The following MRGPRX3 variants were observed in gnomAD, a reference collection of about 807,000 sequenced individuals.
The protein encoded by MRGPRX3 is MAS related GPR family member X3, also known as mas-related G protein-coupled receptor member X3.
Under a neutral mutation model 16.5 loss-of-function variants are expected in MRGPRX3, and 14 were observed. That is an observed-to-expected ratio of 0.85 (90% CI 0.56 to 1.33). The LOEUF (loss-of-function observed/expected upper bound fraction) is 1.33. Ranked by LOEUF, MRGPRX3 falls within the 40% of genes most tolerant of loss-of-function variation. MRGPRX3 has a pLI of 0.00. For synonymous variants in MRGPRX3, 199 were observed against 180.1 expected (o/e 1.10, Z -0.84); for missense variants, 449 against 413.0 (o/e 1.09, Z -0.76).
chr11:18,121,788 ACG>A (rs1848839739), intron 1 of MRGPRX3, among the ~76,000 whole-genome samples: 2 of 152,134 alleles, frequency 1.3e-5, no homozygotes, highest in Admixed American at 1.3e-4. Flanking sequence ...TGTTAAACAG[ACG>A]CTTGAAGGCA....
upstream of MRGPRX3, among the ~76,000 whole-genome samples, chr11:18,129,555 G>T (rs921260050): frequency 2.6e-5 from 4 of 151,840 alleles, no homozygotes; most frequent in African/African-American, 7.3e-5. Flanking sequence ...TTTTTAAATT[G>T]CCAACAAAAA....
At chr11:18,124,344 T>A (rs1039246729) in intron 1 of MRGPRX3, among the ~76,000 whole-genome samples, 1 of 152,228 alleles carries the variant, frequency 6.6e-6, no homozygotes, top group Non-Finnish European at 1.5e-5. Flanking sequence ...ATAGCTCTTA[T>A]TATTTTGAGA....
At position 18,137,519 on chromosome 11, in the gene MRGPRX3, A is replaced by G. The variant is rs1849021649; in HGVS notation, c.317A>G (p.Tyr106Cys). Residue 106 changes from tyrosine to cysteine, a missense_variant, in exon 2 of 2, where the codon TAC becomes TGC. Coordinates refer to ENST00000621697, the MANE Select transcript of MRGPRX3 (RefSeq NM_001370464.1). ...KILSPVMTFP[Y>C]FIGLSMLSAI... ...CTCAGTCCTGTGATGACCTTTCCCT[A>G]CTTTATAGGCCTAAGCATGCTGAGC... is the stretch of plus-strand genomic sequence containing the variant. The G allele has an allele frequency of 1.2e-6, 2 of 1,613,552 alleles. No individual in the cohort carries two copies. The highest frequency in any genetic ancestry group is 1.3e-5 in the African/African-American group (1 of 74,724).
intron 1 of MRGPRX3, among the ~76,000 whole-genome samples, chr11:18,125,438 C>T (rs909558359): frequency 1.3e-5 from 2 of 152,114 alleles, no homozygotes; most frequent in Admixed American, 6.5e-5. Context: ...GCCTTCATTT[C>T]GTTATGTACC....
chr11:18,126,641 C>A (rs190504438), intron 1 of MRGPRX3, among the ~76,000 whole-genome samples: 72 of 152,216 alleles, frequency 4.7e-4, no homozygotes, highest in African/African-American at 1.7e-3. Context: ...ATCCCTCCCC[C>A]TTCCCCCACC....
intron 1 of MRGPRX3, among the ~76,000 whole-genome samples, chr11:18,121,600 C>T (rs978132550): frequency 1.4e-4 from 21 of 152,312 alleles, no homozygotes; most frequent in African/African-American, 3.4e-4. Flanking sequence ...GGATGGTTGC[C>T]GTGTCTGTGT....
intron 1 of MRGPRX3, among the ~76,000 whole-genome samples, chr11:18,134,796 A>T (rs554751107): frequency 1.3e-5 from 2 of 152,224 alleles, no homozygotes; most frequent in Non-Finnish European, 2.9e-5. Context: ...TATTAATCCC[A>T]TGAGCCAGGA....
chr11:18,128,990 C>G (rs1193867625), upstream of MRGPRX3, among the ~76,000 whole-genome samples: 1 of 152,144 alleles, frequency 6.6e-6, no homozygotes, highest in Non-Finnish European at 1.5e-5. Flanking sequence ...ATTCTATAAA[C>G]TGAATGATAA....
rs79834301 is a variant in MRGPRX3 at position 18,136,116 on chromosome 11, A to C, written c.-25-1062A>C. Among the ~76,000 whole-genome samples, 213 of 152,280 alleles carry C rather than the reference A, an allele frequency of 1.4e-3. 3 individuals carry two copies. The East Asian group carries it at 0.033, about 24-fold the overall frequency. On this transcript the variant is annotated intron_variant, in intron 1 of 1. Transcript: ENST00000621697. ...GGACTCCTCTCATACAAATGTTTGC[A>C]TCAACAAAGAAACGCTACCAAAGAT...
At chr11:18,122,109 ACTGC>A (rs1848845970) in intron 1 of MRGPRX3, among the ~76,000 whole-genome samples, 1 of 151,718 alleles carries the variant, frequency 6.6e-6, no homozygotes, top group Non-Finnish European at 1.5e-5. Flanking sequence ...TGCAAAAAAA[ACTGC>A]ATTGCTTGCA....
chr11:18,135,499 T>C (rs1048250564), intron 1 of MRGPRX3, among the ~76,000 whole-genome samples: 2 of 152,218 alleles, frequency 1.3e-5, no homozygotes, highest in Non-Finnish European at 2.9e-5. Flanking sequence ...ATGCATCTTC[T>C]TTCCACCTGG....
At chr11:18,134,028 C>T (rs1848985675) in intron 1 of MRGPRX3, among the ~76,000 whole-genome samples, 1 of 152,226 alleles carries the variant, frequency 6.6e-6, no homozygotes, top group Non-Finnish European at 1.5e-5. Context: ...CTTCTTGTAT[C>T]CTCCTAATTC....
At chr11:18,123,500 A>C (rs1848860793) in intron 1 of MRGPRX3, among the ~76,000 whole-genome samples, 1 of 152,094 alleles carries the variant, frequency 6.6e-6, no homozygotes, top group African/African-American at 2.4e-5. Context: ...ATAGTCGTAG[A>C]TATGTGGCAT....
At chr11:18,135,100 G>A (rs1175359195) in intron 1 of MRGPRX3, among the ~76,000 whole-genome samples, 2 of 152,142 alleles carry the variant, frequency 1.3e-5, no homozygotes, top group East Asian at 3.9e-4. Context: ...GGCTGGTATT[G>A]GACCTGCTCT....
chr11:18,135,331 T>C (rs971281234), intron 1 of MRGPRX3, among the ~76,000 whole-genome samples: 4 of 152,172 alleles, frequency 2.6e-5, no homozygotes, highest in Admixed American at 6.5e-5. Context: ...TACCTATAGA[T>C]GGACAAACAG....
At chr11:18,132,332 A>G (rs1200421873), upstream of MRGPRX3, among the ~76,000 whole-genome samples, 5 of 152,218 alleles carry the variant, frequency 3.3e-5, no homozygotes, top group African/African-American at 1.2e-4. Flanking sequence ...ATTTGGATAT[A>G]AAGCCTCATA....
At chr11:18,135,710 T>A (rs1421077976) in intron 1 of MRGPRX3, among the ~76,000 whole-genome samples, 1 of 152,146 alleles carries the variant, frequency 6.6e-6, no homozygotes, top group Non-Finnish European at 1.5e-5. Context: ...TCAACTTGGA[T>A]TTAACTTGAG....
intron 1 of MRGPRX3, among the ~76,000 whole-genome samples, chr11:18,126,815 A>G (rs373369786): frequency 2.4e-4 from 37 of 152,360 alleles, no homozygotes; most frequent in Middle Eastern, 3.4e-3. Context: ...TACAAAGGAC[A>G]TGAACTCATC....
intron 1 of MRGPRX3, among the ~76,000 whole-genome samples, chr11:18,125,450 A>T (rs1848884363): frequency 6.6e-6 from 1 of 152,146 alleles, no homozygotes; most frequent in African/African-American, 2.4e-5. Context: ...TTATGTACCC[A>T]GTAGTCATTC....
Sources: gnomAD v4.1 joint callset for allele counts (sites outside exome capture counted in the v4.1 genomes callset) on GRCh38, gnomAD v4.1.1 for gene constraint, MANE v1.5 for transcripts, NCBI Gene and HGNC (gene_info 2026-07-23, HGNC 2026-07-21) for gene names.